The following GNG7 variants were observed in gnomAD, a reference collection of about 807,000 sequenced individuals.
GNG7 encodes the protein guanine nucleotide-binding protein G(I)/G(S)/G(O) subunit gamma-7.
A neutral mutation model predicts 4.0 loss-of-function variants in GNG7; 1 was observed. The ratio of observed to expected loss-of-function variants is 0.25; its 90% confidence interval spans 0.09 to 1.18. The LOEUF is 1.18. Ranked by LOEUF, GNG7 falls within the 50% of genes most tolerant of loss-of-function variation. GNG7 has a pLI of 0.50. For synonymous variants in GNG7, 34 were observed against 36.9 expected (o/e 0.92, Z 0.29); for missense variants, 86 against 91.9 (o/e 0.94, Z 0.26).
chr19:2,650,408 T>TG, intron 1 of GNG7, among the ~76,000 whole-genome samples: 1 of 152,150 alleles, frequency 6.6e-6, no homozygotes. Flanking sequence ...AGGCTGGTCT[T>TG]GAACTCCTGA....
intron 2 of GNG7, among the ~76,000 whole-genome samples, chr19:2,561,485 C>T (rs1014109731): frequency 4.6e-5 from 7 of 152,214 alleles, no homozygotes; most frequent in Middle Eastern, 3.4e-3. Context: ...CTCCCCTTGT[C>T]CCTTCCTCTC....
intron 2 of GNG7, among the ~76,000 whole-genome samples, chr19:2,558,985 G>A (rs1979652721): frequency 1.3e-5 from 2 of 151,768 alleles, no homozygotes; most frequent in South Asian, 4.2e-4. Context: ...TTTCAGTAGA[G>A]ACGGGGTTTC....
intron 1 of GNG7, among the ~76,000 whole-genome samples, chr19:2,692,240 G>A (rs1293569688): frequency 2.6e-5 from 4 of 151,702 alleles, no homozygotes; most frequent in Admixed American, 2.6e-4. Flanking sequence ...TCTGTGCCCA[G>A]CAGACTCTGC....
In GNG7 at chr19:2,603,169, C is replaced by T. The variant is rs541286231; in HGVS notation, c.-78+43055G>A. ...GAAACCTCCGCCTCCCGGGTTCAAG[C>T]GATCCTCCTGCCTCAGCCTCCCGAG... On this transcript the variant is annotated intron_variant, in intron 2 of 4. Transcript: ENST00000382159. 6.6e-5 allele frequency among the ~76,000 whole-genome samples: 10 copies of T among 152,154 alleles called. No individual in the cohort carries two copies. In the South Asian group the frequency reaches 1.7e-3, roughly 25 times the overall value.
At chr19:2,589,370 A>ATTTTTTTTTT (rs1980770260) in intron 2 of GNG7, among the ~76,000 whole-genome samples, 1 of 73,146 alleles carries the variant, frequency 1.4e-5, no homozygotes, top group African/African-American at 5.1e-5. Flanking sequence ...CTACAGGTGC[A>ATTTTTTTTTT]CTTTTTTTTT....
chr19:2,597,152 C>T (rs1280008621), intron 2 of GNG7, among the ~76,000 whole-genome samples: 1 of 150,566 alleles, frequency 6.6e-6, no homozygotes, highest in Admixed American at 6.7e-5. Flanking sequence ...GTTATCCCAG[C>T]TTTGGTGACT....
chr19:2,566,789 C>T (rs1398569594), intron 2 of GNG7, among the ~76,000 whole-genome samples: 1 of 151,986 alleles, frequency 6.6e-6, no homozygotes, highest in African/African-American at 2.4e-5. Context: ...ATGGTGGGTG[C>T]CAATAAAACT....
chr19:2,686,051 T>A (rs1983862225), intron 1 of GNG7, among the ~76,000 whole-genome samples: 1 of 151,988 alleles, frequency 6.6e-6, no homozygotes, highest in Non-Finnish European at 1.5e-5. Context: ...AGACACTTCA[T>A]CAGAGCGAGA....
At chr19:2,677,826 G>C (rs148913183) in intron 1 of GNG7, among the ~76,000 whole-genome samples, 19 of 152,306 alleles carry the variant, frequency 1.2e-4, no homozygotes, top group African/African-American at 4.3e-4. Flanking sequence ...CTGGCATAGA[G>C]TGGGTGGAGG....
At chr19:2,635,232 G>C (rs1324370772) in intron 2 of GNG7, among the ~76,000 whole-genome samples, 1 of 152,190 alleles carries the variant, frequency 6.6e-6, no homozygotes, top group Non-Finnish European at 1.5e-5. Flanking sequence ...GGCACAGGTG[G>C]GTGCAGGTGC....
intron 2 of GNG7, among the ~76,000 whole-genome samples, chr19:2,602,742 C>T (rs117414438): frequency 0.011 from 1,693 of 152,270 alleles, 11 homozygotes; most frequent in Middle Eastern, 0.02. Context: ...GAGGGCCACC[C>T]GGCCCTCCCC....
Position 2,654,377 on chromosome 19 carries a change from G to A in GNG7, c.-134-8097C>T, listed in dbSNP as rs534446475. The stretch of plus-strand genomic sequence containing the variant: ...GGACATTAGAGCTGGGTCACTCTCT[G>A]GGGTGGGGCCATCCTGGGCACTGCA... On this transcript the variant is annotated intron_variant, in intron 1 of 4. Coordinates refer to ENST00000382159, the MANE Select transcript of GNG7 (RefSeq NM_052847.3). Among the ~76,000 whole-genome samples the A allele has an allele frequency of 2.8e-4, 41 of 148,406 alleles. 1 individual carries two copies. The highest frequency in any genetic ancestry group is 1.0e-3 in the African/African-American group (41 of 40,062).
intron 1 of GNG7, among the ~76,000 whole-genome samples, chr19:2,658,399 G>A (rs1350905509): frequency 3.3e-5 from 5 of 151,544 alleles, no homozygotes; most frequent in East Asian, 3.9e-4. Flanking sequence ...TTTTAGCCCC[G>A]AGCTTTATAA....
At chr19:2,584,182 C>T (rs920375066) in intron 2 of GNG7, among the ~76,000 whole-genome samples, 4 of 151,256 alleles carry the variant, frequency 2.6e-5, no homozygotes, top group African/African-American at 9.7e-5. Context: ...GTGGTTCATG[C>T]CTATAATCCT....
In GNG7 at chr19:2,594,735, T is replaced by C. The variant is rs1050689072; in HGVS notation, c.-77-39547A>G. On this transcript the variant is annotated intron_variant, in intron 2 of 4. Transcript: ENST00000382159. ...GAACCACCCAATCAAATTAACACTG[T>C]CTTATTATCAACTTGCTCCATGATT... Among the ~76,000 whole-genome samples the C allele has an allele frequency of 5.9e-5, 9 of 152,172 alleles. No individual in the cohort carries two copies. The East Asian group carries it at 1.7e-3, about 29-fold the overall frequency.
At chr19:2,570,714 C>T (rs569848325) in intron 2 of GNG7, among the ~76,000 whole-genome samples, 6 of 152,294 alleles carry the variant, frequency 3.9e-5, no homozygotes, top group African/African-American at 7.2e-5. Context: ...CAGCGCTCCT[C>T]GGACAGTGGA....
rs369990544 is a variant in GNG7 at position 2,520,681 on chromosome 19, G to A, written c.8C>T (p.Ala3Val). The change falls in exon 4 of 5, where the codon GCC becomes GTC. Residue 3 changes from alanine to valine, a missense_variant. Transcript: ENST00000382159. MSATNNIAQARKL... is the reference protein window; with the variant it reads MSVTNNIAQARKL... Reference sequence around the variant, plus strand: ...CCGGGCCTGGGCTATGTTGTTAGTGGCTGACATTGTCTGCCATCAGCTCTG... The same window carrying A: ...CCGGGCCTGGGCTATGTTGTTAGTGACTGACATTGTCTGCCATCAGCTCTG... 18 of 1,539,244 alleles carry A rather than the reference G, an allele frequency of 1.2e-5. No homozygotes were observed. Among genetic ancestry groups the A allele is most frequent in the Non-Finnish European group, 1.6e-5 (18 of 1,134,908 alleles).
chr19:2,520,388 G>A (rs150461378), intron 4 of GNG7, among the ~76,000 whole-genome samples: 6 of 152,200 alleles, frequency 3.9e-5, no homozygotes, highest in African/African-American at 1.2e-4. Context: ...TACAAAGCAC[G>A]TTACATTGCT....
In GNG7 at chr19:2,680,144, CTTTTTT is replaced by C. The variant is rs775146336; in HGVS notation, c.-135+22496_-135+22501del. 4.2e-3 allele frequency among the ~76,000 whole-genome samples: 505 copies of C among 118,998 alleles called. 2 individuals are homozygous for C. The highest frequency in any genetic ancestry group is 0.017 in the African/African-American group (488 of 28,522). 78.1% of individuals were successfully genotyped at this position (118,998 alleles called of 152,430 possible). A position where few individuals can be genotyped will look rare whatever the true frequency, so the allele number is the denominator to read the frequency against. ...TGGGCATCATAGTAAGACCTTGTCT[CTTTTTT>C]TTTTTTTTTTTTTTTGAGACAGAGT... On this transcript the variant is annotated intron_variant, in intron 1 of 4. Transcript: ENST00000382159.
Sources: allele counts gnomAD v4.1 joint callset (sites outside exome capture counted in the v4.1 genomes callset), GRCh38; gene constraint gnomAD v4.1.1; transcripts MANE v1.5; gene names NCBI Gene and HGNC (gene_info 2026-07-23, HGNC 2026-07-21).